The following ADAM10 variants were observed in gnomAD, a reference collection of about 807,000 sequenced individuals.
ADAM10 encodes the protein ADAM metallopeptidase domain 10, also known as disintegrin and metalloproteinase domain-containing protein 10.
In ADAM10, 17 loss-of-function variants were observed where a neutral mutation model predicts 90.1. The ratio of observed to expected loss-of-function variants is 0.19; its 90% CI spans 0.13 to 0.28. The LOEUF (loss-of-function observed/expected upper bound fraction) is 0.28. Ranked by LOEUF, ADAM10 falls within the 10% of genes least tolerant of loss-of-function variation. ADAM10 has a pLI of 1.00. For missense variants in ADAM10, 610 were observed against 914.3 expected (o/e 0.67, Z 4.29); for synonymous variants, 310 against 298.6 (o/e 1.04, Z -0.40).
intron 1 of ADAM10, among the ~76,000 whole-genome samples, chr15:58,735,233 C>T (rs183987157): frequency 1.6e-4 from 24 of 152,260 alleles, no homozygotes; most frequent in African/African-American, 5.1e-4. Flanking sequence ...TCGTTTACTC[C>T]GATTCCTTAT....
At chr15:58,733,905 T>TTA (rs144421848) in intron 1 of ADAM10, among the ~76,000 whole-genome samples, 36,758 of 148,058 alleles carry the variant, frequency 0.25, 5,456 homozygotes, top group East Asian at 0.51. Context: ...TTTCATTACA[T>TTA]TATATATATA....
At chr15:58,627,626 T>C in intron 10 of ADAM10, 74 bp downstream of exon 10, 1 of 1,350,544 alleles carries the variant, frequency 7.4e-7, no homozygotes, top group South Asian at 1.2e-5. Context: ...ATGTCAGTAA[T>C]CACTATAGAA....
chr15:58,700,222 C>T (rs1898093538), intron 2 of ADAM10, among the ~76,000 whole-genome samples: 1 of 152,202 alleles, frequency 6.6e-6, no homozygotes, highest in South Asian at 2.1e-4. Context: ...TGGATTTAAA[C>T]TGCACATTGG....
intron 8 of ADAM10, among the ~76,000 whole-genome samples, chr15:58,637,099 G>C (rs960474256): frequency 2.6e-5 from 4 of 152,226 alleles, no homozygotes; most frequent in Admixed American, 2.6e-4. Context: ...TATGGGTTAA[G>C]AATTCAATAA....
In ADAM10 at chr15:58,646,200, G is replaced by T. The variant is rs140094923; in HGVS notation, c.590C>A (p.Pro197His). ...ACCATTAGCAGCATGTTCTTCTTGA[G>T]GTATCTATACATCAAAAAGTCATTT... ...MTGVEEVTQIPQEEHAANGPE... is the reference protein window; with the variant it reads ...MTGVEEVTQIHQEEHAANGPE... Residue 197 changes from proline (P) to histidine (H), a missense_variant, in exon 6 of 16, where the codon CCT becomes CAT. By Grantham distance (77) the Pro-to-His change is moderately conservative. Around this residue, in one of 4 missense-constraint regions of ADAM10, gnomAD observed 310 missense variants for 362.4 expected, o/e 0.86. Transcript: ENST00000260408. 11 of 1,611,730 alleles carry T rather than the reference G, an allele frequency of 6.8e-6. No homozygotes were observed. The highest frequency in any genetic ancestry group is 9.3e-6 in the Non-Finnish European group (11 of 1,179,502).
chr15:58,633,915 AAG>A (rs1555412979), intron 8 of ADAM10, among the ~76,000 whole-genome samples: 4 of 151,704 alleles, frequency 2.6e-5, no homozygotes, highest in Admixed American at 6.6e-5. Context: ...AAAAAAAAAA[AAG>A]AGGGGGTAGA....
At chr15:58,602,969 A>G (rs901281660) in intron 14 of ADAM10, among the ~76,000 whole-genome samples, 60 of 152,358 alleles carry the variant, frequency 3.9e-4, no homozygotes, top group African/African-American at 1.4e-3. Flanking sequence ...AAATGCTGGC[A>G]AACTTGTGAG....
intron 2 of ADAM10, among the ~76,000 whole-genome samples, chr15:58,713,073 A>G (rs1439774952): frequency 6.6e-6 from 1 of 152,156 alleles, no homozygotes; most frequent in African/African-American, 2.4e-5. Flanking sequence ...TCTGTTTCCT[A>G]GTATCTATGT....
rs376962791 is a variant in ADAM10 at position 58,594,897 on chromosome 15, T to C, written c.*2650A>G. 3.9e-5 allele frequency: 6 copies of C among 152,268 alleles called. No individual in the cohort carries two copies. The East Asian group carries it at 5.8e-4, about 15-fold the overall frequency. 9.4% of individuals were successfully genotyped at this position (152,268 alleles called of 1,614,324 possible). On this transcript the variant is annotated 3_prime_UTR_variant, in exon 16 of 16. Coordinates refer to ENST00000260408, the MANE Select transcript of ADAM10 (RefSeq NM_001110.4). ...TAACAAGTATTACTTATAGCTAACC[T>C]TGACTAAAAAAAGAATTTGAAGCAG...
chr15:58,700,551 T>C (rs1447764714), intron 2 of ADAM10, among the ~76,000 whole-genome samples: 1 of 151,846 alleles, frequency 6.6e-6, no homozygotes, highest in African/African-American at 2.4e-5. Context: ...AAACACGACA[T>C]ACCAAAATCC....
intron 1 of ADAM10, among the ~76,000 whole-genome samples, chr15:58,739,277 C>G (rs918609993): frequency 1.3e-5 from 2 of 150,514 alleles, no homozygotes; most frequent in Non-Finnish European, 2.9e-5. Context: ...GAGGCCAAGG[C>G]AGGTGAATCA....
intron 4 of ADAM10, among the ~76,000 whole-genome samples, chr15:58,675,177 G>A (rs1413937643): frequency 2.0e-5 from 3 of 152,204 alleles, no homozygotes; most frequent in African/African-American, 7.2e-5. Flanking sequence ...CAGCCTGGGC[G>A]ACGGAGGTAT....
At chr15:58,711,963 G>A (rs1265694597) in intron 2 of ADAM10, among the ~76,000 whole-genome samples, 1 of 151,968 alleles carries the variant, frequency 6.6e-6, no homozygotes, top group African/African-American at 2.4e-5. Context: ...TCTCTTCAAT[G>A]ACAGGTGCAA....
At chr15:58,683,718 G>A (rs1471062745) in intron 2 of ADAM10, among the ~76,000 whole-genome samples, 1 of 151,970 alleles carries the variant, frequency 6.6e-6, no homozygotes, top group Non-Finnish European at 1.5e-5. Flanking sequence ...AAACTAGCCA[G>A]GCATGGTGGC....
intron 2 of ADAM10, among the ~76,000 whole-genome samples, chr15:58,683,163 A>C (rs1470651363): frequency 6.6e-6 from 1 of 152,198 alleles, no homozygotes; most frequent in Non-Finnish European, 1.5e-5. Context: ...TAAAATGGCA[A>C]CAAATTAGCT....
At chr15:58,611,784 T>C (rs753723096) in intron 12 of ADAM10, 24 bp downstream of exon 12, 1 of 1,608,632 alleles carries the variant, frequency 6.2e-7, no homozygotes, top group South Asian at 1.1e-5. Context: ...AATTAAATTT[T>C]AAAACATATA....
chr15:58,723,532 C>G (rs574019147), intron 1 of ADAM10, among the ~76,000 whole-genome samples: 2 of 151,794 alleles, frequency 1.3e-5, no homozygotes, highest in Admixed American at 6.6e-5. Flanking sequence ...AACCCATAGT[C>G]TCTACTAAAA....
chr15:58,730,059 T>C (rs1304106714), intron 1 of ADAM10, among the ~76,000 whole-genome samples: 1 of 149,708 alleles, frequency 6.7e-6, no homozygotes, highest in African/African-American at 2.5e-5. Flanking sequence ...ATCGTAAGCA[T>C]AATGCAAATA....
intron 1 of ADAM10, among the ~76,000 whole-genome samples, chr15:58,729,740 G>A (rs983285702): frequency 2.6e-5 from 4 of 152,142 alleles, no homozygotes; most frequent in African/African-American, 9.7e-5. Flanking sequence ...AAGGCAGGCG[G>A]ATCACTTGAG....
Sources: allele counts gnomAD v4.1 joint callset (sites outside exome capture counted in the v4.1 genomes callset), GRCh38; gene constraint gnomAD v4.1.1; regional missense constraint gnomAD v4.1.1; transcripts MANE v1.5; gene names NCBI Gene and HGNC (gene_info 2026-07-23, HGNC 2026-07-21).